HIF1A: variants seen among roughly 807,000 people sequenced by gnomAD.
The protein encoded by HIF1A is hypoxia-inducible factor 1-alpha.
HIF1A carries 24 observed loss-of-function variants against 92.7 expected under a neutral mutation model. That is an observed-to-expected ratio of 0.26 (90% CI 0.19 to 0.36). The LOEUF is 0.36. HIF1A is among the 10% of genes least tolerant of loss of function. The pLI is 1.00. For missense variants in HIF1A, 799 were observed against 998.5 expected (o/e 0.80, Z 2.69); for synonymous variants, 319 against 338.7 (o/e 0.94, Z 0.64).
intron 1 of HIF1A, among the ~76,000 whole-genome samples, chr14:61,712,903 C>T (rs377482810): frequency 7.3e-5 from 11 of 150,400 alleles, no homozygotes; most frequent in African/African-American, 2.5e-4. Context: ...ATTAATATAG[C>T]CAAATAACTA....
In HIF1A at chr14:61,721,831, A is replaced by G. The variant is rs1279345118; in HGVS notation, c.457+8A>G. ...TGCTTACACACAGAAATGGTAAGAA[A>G]AGTCTGTTGTTTGATTTAATGTGAC... On this transcript the variant is annotated splice_region_variant and intron_variant, in intron 4 of 14. Coordinates refer to ENST00000337138, the MANE Select transcript of HIF1A (RefSeq NM_001530.4). 4 of 1,595,896 alleles carry G rather than the reference A, an allele frequency of 2.5e-6. No homozygotes were observed. Among genetic ancestry groups the G allele is most frequent in the Non-Finnish European group, 3.4e-6 (4 of 1,163,722 alleles).
At chr14:61,733,124 C>A (rs1014902837) in intron 7 of HIF1A, among the ~76,000 whole-genome samples, 1 of 152,028 alleles carries the variant, frequency 6.6e-6, no homozygotes, top group Non-Finnish European at 1.5e-5. Flanking sequence ...ATCTCACTCT[C>A]GCCCAGGCTG....
chr14:61,708,750 T>C (rs2044274016), intron 1 of HIF1A, among the ~76,000 whole-genome samples: 1 of 152,212 alleles, frequency 6.6e-6, no homozygotes. Context: ...TGCCTCCAGC[T>C]TTGTTCTTTT....
chr14:61,725,768 T>C (rs1056152735), intron 4 of HIF1A, among the ~76,000 whole-genome samples: 3 of 151,978 alleles, frequency 2.0e-5, no homozygotes, highest in African/African-American at 4.8e-5. Context: ...TTTTTAGTTA[T>C]AGAAGGTTTG....
Position 61,738,156 on chromosome 14 carries a change from A to T in HIF1A, c.1319A>T (p.Asn440Ile). The T allele has an allele frequency of 1.2e-6, 2 of 1,614,008 alleles. No individual in the cohort carries two copies. Among genetic ancestry groups the T allele is most frequent in the Non-Finnish European group, 1.7e-6 (2 of 1,179,940 alleles). The part of the protein sequence containing the change: ...LYNDVMLPSP[N>I]EKLQNINLAM... ...AATGATGTAATGCTCCCCTCACCCA[A>T]CGAAAAATTACAGAATATAAATTTG... The change falls in exon 10 of 15, where the codon AAC (asparagine) becomes ATC (isoleucine). Residue 440 changes from asparagine (N) to isoleucine (I), a missense_variant. Physicochemically the swap from Asn to Ile is moderately radical, Grantham distance 149. Around this residue, in one of 2 missense-constraint regions of HIF1A, gnomAD observed 516 missense variants for 721.0 expected, o/e 0.72. Transcript: ENST00000337138.
At chr14:61,715,260 T>C (rs1027441597) in intron 1 of HIF1A, among the ~76,000 whole-genome samples, 2 of 152,202 alleles carry the variant, frequency 1.3e-5, no homozygotes, top group Non-Finnish European at 2.9e-5. Context: ...AGAGCATCTA[T>C]TACCATTGTA....
chr14:61,722,578 A>C (rs2044447168), intron 4 of HIF1A, among the ~76,000 whole-genome samples: 1 of 152,204 alleles, frequency 6.6e-6, no homozygotes, highest in Non-Finnish European at 1.5e-5. Context: ...GAGAAATTAT[A>C]ATACAAATGG....
chr14:61,714,989 G>A (rs146904613), intron 1 of HIF1A, among the ~76,000 whole-genome samples: 107 of 152,124 alleles, frequency 7.0e-4, no homozygotes, highest in African/African-American at 1.3e-3. Context: ...AGCCGAGATC[G>A]CGCCATTGCA....
intron 1 of HIF1A, among the ~76,000 whole-genome samples, chr14:61,710,198 C>T (rs906737833): frequency 6.6e-6 from 1 of 152,074 alleles, no homozygotes; most frequent in African/African-American, 2.4e-5. Context: ...TTTTTGTAGA[C>T]TTTGCTTTTA....
rs777629608 is a variant in HIF1A at position 61,740,737 on chromosome 14, G to A, written c.1660-18G>A. Reference sequence around the variant, plus strand: ...AGGTGTGGCCATTGTAAAAACTCATGTATTTGCTGTTTTAAAGGACACAGA... The same window carrying A: ...AGGTGTGGCCATTGTAAAAACTCATATATTTGCTGTTTTAAAGGACACAGA... On this transcript the variant is annotated intron_variant, in intron 11 of 14. Transcript: ENST00000337138. 1 of 1,590,294 alleles carries A rather than the reference G, an allele frequency of 6.3e-7. No individual in the cohort carries two copies. The highest frequency in any genetic ancestry group is 8.6e-7 in the Non-Finnish European group (1 of 1,167,776).
chr14:61,735,881 A>G (rs995840096), intron 8 of HIF1A, among the ~76,000 whole-genome samples: 3 of 152,174 alleles, frequency 2.0e-5, no homozygotes, highest in African/African-American at 4.8e-5. Flanking sequence ...CCAATTTCAT[A>G]ATGTGTGTCA....
chr14:61,742,527 T>C (rs1025801749), intron 12 of HIF1A, among the ~76,000 whole-genome samples: 12 of 152,102 alleles, frequency 7.9e-5, no homozygotes, highest in Admixed American at 2.6e-4. Context: ...GCAATCACAG[T>C]GTCTTGGGCA....
intron 12 of HIF1A, 38 bp from the exon 13 acceptor site, chr14:61,744,667 A>G: frequency 1.2e-6 from 1 of 858,276 alleles, no homozygotes; most frequent in South Asian, 1.6e-5. Flanking sequence ...TTTTTTTTAA[A>G]AACGCTATAT....
chr14:61,736,704 T>C (rs2044642191), intron 8 of HIF1A, among the ~76,000 whole-genome samples, 185 bp from the exon 9 acceptor site: 1 of 152,216 alleles, frequency 6.6e-6, no homozygotes, highest in South Asian at 2.1e-4. Flanking sequence ...TGGGTCTTTA[T>C]TTTGTATTAG....
At chr14:61,714,175 A>G (rs1566564338) in intron 1 of HIF1A, among the ~76,000 whole-genome samples, 3 of 152,194 alleles carry the variant, frequency 2.0e-5, no homozygotes, top group African/African-American at 7.2e-5. Context: ...CTGACACCAA[A>G]TTGAATGTTT....
intron 9 of HIF1A, 100 bp downstream of exon 9, chr14:61,737,209 A>C (rs1002507965): frequency 5.5e-5 from 42 of 770,024 alleles, no homozygotes; most frequent in Non-Finnish European, 6.2e-5. Context: ...AATCATTTGG[A>C]CATTACAAGC....
intron 1 of HIF1A, among the ~76,000 whole-genome samples, chr14:61,708,369 G>A (rs929729598): frequency 5.9e-5 from 9 of 152,146 alleles, no homozygotes; most frequent in Non-Finnish European, 1.2e-4. Context: ...TAAACATGAA[G>A]TCCTTGCCCA....
intron 1 of HIF1A, among the ~76,000 whole-genome samples, chr14:61,716,602 T>C (rs913819771): frequency 3.3e-5 from 5 of 152,182 alleles, no homozygotes; most frequent in Non-Finnish European, 5.9e-5. Context: ...TCCTTTTATT[T>C]TTTTTTAATT....
intron 4 of HIF1A, among the ~76,000 whole-genome samples, chr14:61,724,221 C>T (rs989282884): frequency 6.6e-6 from 1 of 151,168 alleles, no homozygotes; most frequent in Non-Finnish European, 1.5e-5. Context: ...GCCTTGGGTT[C>T]CTTTCAAAGG....
Sources: gnomAD v4.1 joint callset for allele counts (sites outside exome capture counted in the v4.1 genomes callset) on GRCh38, gnomAD v4.1.1 for gene constraint, gnomAD v4.1.1 regional missense constraint, MANE v1.5 for transcripts, NCBI Gene and HGNC (gene_info 2026-07-23, HGNC 2026-07-21) for gene names.